The following CNTN5 variants were observed in gnomAD, a reference collection of about 807,000 sequenced individuals.
CNTN5 encodes the protein contactin 5.
CNTN5 carries 77 observed loss-of-function variants against 129.1 expected under a neutral mutation model. The observed-to-expected ratio is 0.60, with a 90% confidence interval of 0.50 to 0.72. The LOEUF is 0.72. Ranked by LOEUF, CNTN5 falls within the 30% of genes least tolerant of loss-of-function variation. The pLI, the probability that CNTN5 is intolerant of heterozygous loss-of-function variation, is 0.00. For missense variants in CNTN5, 1,478 were observed against 1,328.8 expected (o/e 1.11, Z -1.75); for synonymous variants, 509 against 465.6 (o/e 1.09, Z -1.20).
chr11:99,258,985 G>C (rs971180259), intron 1 of CNTN5, among the ~76,000 whole-genome samples: 26 of 151,862 alleles, frequency 1.7e-4, no homozygotes, highest in African/African-American at 5.5e-4. Context: ...TATAGCTAGA[G>C]AGTAATAGGC....
intron 18 of CNTN5, among the ~76,000 whole-genome samples, chr11:100,289,929 A>T (rs1950915660): frequency 6.6e-6 from 1 of 151,520 alleles, no homozygotes; most frequent in Non-Finnish European, 1.5e-5. Context: ...ATACAAAATC[A>T]ATGTGCAAAA....
intron 3 of CNTN5, among the ~76,000 whole-genome samples, chr11:99,734,337 A>G (rs546087783): frequency 4.4e-4 from 67 of 152,276 alleles, no homozygotes; most frequent in African/African-American, 1.6e-3. Context: ...TATTCATTCT[A>G]TCTAACTGTA....
Position 99,380,878 on chromosome 11 carries a change from A to G in CNTN5, c.-71+55394A>G, listed in dbSNP as rs114037311. On this transcript the variant is annotated intron_variant, in intron 2 of 24. Transcript: ENST00000524871. ...AGACCCATGTATAGATACTGGGGTT[A>G]CATCAGTGAGAACCCTGATTATTTT... Among the ~76,000 whole-genome samples, 613 of 152,208 alleles carry G rather than the reference A, an allele frequency of 4.0e-3. 2 individuals carry two copies. Among genetic ancestry groups the G allele is most frequent in the African/African-American group, 0.014 (588 of 41,540 alleles).
chr11:99,477,137 T>C (rs1204241024), intron 2 of CNTN5, among the ~76,000 whole-genome samples: 1 of 151,940 alleles, frequency 6.6e-6, no homozygotes, highest in Admixed American at 6.6e-5. Context: ...TTAATATCCT[T>C]AAATGAATAT....
intron 21 of CNTN5, among the ~76,000 whole-genome samples, chr11:100,331,943 C>T (rs1251470529): frequency 6.6e-6 from 1 of 151,896 alleles, no homozygotes. Flanking sequence ...GAAACAAAAA[C>T]AATCCAAACC....
intron 1 of CNTN5, among the ~76,000 whole-genome samples, chr11:99,102,883 AGTCCATTTTCACG>A (rs1866806824): frequency 6.6e-6 from 1 of 152,122 alleles, no homozygotes; most frequent in East Asian, 1.9e-4. Context: ...TTACTGTATT[AGTCCATTTTCACG>A]GTGCTAATGA....
At chr11:99,240,599 A>G (rs1407201165) in intron 1 of CNTN5, among the ~76,000 whole-genome samples, 1 of 148,036 alleles carries the variant, frequency 6.8e-6, no homozygotes, top group East Asian at 2.5e-4. Flanking sequence ...CCAGCTTATT[A>G]TGAAAAAAAT....
At chr11:99,250,864 A>G (rs1862064594) in intron 1 of CNTN5, among the ~76,000 whole-genome samples, 1 of 151,878 alleles carries the variant, frequency 6.6e-6, no homozygotes, top group Non-Finnish European at 1.5e-5. Flanking sequence ...TACATCTCTT[A>G]AATGTCTAAT....
At chr11:99,706,386 T>C (rs1176578966) in intron 3 of CNTN5, among the ~76,000 whole-genome samples, 1 of 151,522 alleles carries the variant, frequency 6.6e-6, no homozygotes, top group African/African-American at 2.4e-5. Context: ...TAGGTGGGTT[T>C]AAGTCATTTA....
chr11:99,304,865 C>T (rs988857903), intron 1 of CNTN5, among the ~76,000 whole-genome samples: 38 of 152,116 alleles, frequency 2.5e-4, no homozygotes, highest in African/African-American at 6.8e-4. Context: ...TGACTCCCTA[C>T]GAGTTGTGAC....
At chr11:99,572,970 T>C (rs752402350) in intron 3 of CNTN5, among the ~76,000 whole-genome samples, 15 of 152,120 alleles carry the variant, frequency 9.9e-5, no homozygotes, top group Non-Finnish European at 2.2e-4. Context: ...GCAATAGAGA[T>C]AAAGGAAGAC....
chr11:99,819,476 A>G (rs199950154), intron 3 of CNTN5, 68 bp from the exon 4 acceptor site: 12 of 1,384,592 alleles, frequency 8.7e-6, no homozygotes, highest in Middle Eastern at 2.2e-4. Context: ...CAAAGAAACA[A>G]TCTTCATAAG....
intron 1 of CNTN5, among the ~76,000 whole-genome samples, chr11:99,022,040 T>G (rs10736506): frequency 2.6e-5 from 4 of 152,062 alleles, no homozygotes; most frequent in African/African-American, 9.7e-5. Flanking sequence ...ATCTTAGAAC[T>G]GTTCTCCCAA....
chr11:99,747,064 CTTTCA>C lies in CNTN5; in HGVS notation c.56-72476_56-72472del, dbSNP rs550143561. Among the ~76,000 whole-genome samples, 122 of 152,120 alleles carry C rather than the reference CTTTCA, an allele frequency of 8.0e-4. 1 individual carries two copies. Among genetic ancestry groups the C allele is most frequent in the African/African-American group, 2.7e-3 (113 of 41,502 alleles). On this transcript the variant is annotated intron_variant, in intron 3 of 24. Coordinates refer to ENST00000524871, the MANE Select transcript of CNTN5 (RefSeq NM_014361.4). ...CTTCAATCCATAAATATGAGATATC[CTTTCA>C]TTTATTTGTGCCTTTTTCAATTTCT...
intron 3 of CNTN5, among the ~76,000 whole-genome samples, chr11:99,613,549 T>C (rs2135737984): frequency 6.6e-6 from 1 of 151,982 alleles, no homozygotes; most frequent in East Asian, 1.9e-4. Flanking sequence ...GAGAATAAAA[T>C]CAGGCAAGAA....
chr11:99,171,809 C>A (rs1861162083), intron 1 of CNTN5, among the ~76,000 whole-genome samples: 1 of 152,044 alleles, frequency 6.6e-6, no homozygotes, highest in Non-Finnish European at 1.5e-5. Flanking sequence ...TATTAATAAT[C>A]AATAATTACA....
intron 6 of CNTN5, among the ~76,000 whole-genome samples, chr11:99,905,493 G>T (rs1210907217): frequency 2.6e-5 from 4 of 152,094 alleles, no homozygotes; most frequent in Non-Finnish European, 5.9e-5. Context: ...TGTTCCACTG[G>T]TCTATATATC....
chr11:99,347,060 A>G (rs55898803), intron 2 of CNTN5, among the ~76,000 whole-genome samples: 5,277 of 152,294 alleles, frequency 0.035, 122 homozygotes, highest in Middle Eastern at 0.071. Context: ...TCATTTATTC[A>G]TTGTATCAGA....
At chr11:99,241,796 GTAAA>G (rs1427209630) in intron 1 of CNTN5, among the ~76,000 whole-genome samples, 1 of 152,070 alleles carries the variant, frequency 6.6e-6, no homozygotes, top group East Asian at 1.9e-4. Context: ...AAAGTCTGTA[GTAAA>G]TAAATAGATT....
Sources: gnomAD v4.1 joint callset for allele counts (sites outside exome capture counted in the v4.1 genomes callset) on GRCh38, gnomAD v4.1.1 for gene constraint, MANE v1.5 for transcripts, NCBI Gene and HGNC (gene_info 2026-07-23, HGNC 2026-07-21) for gene names.